SLC9A8: variants seen among roughly 807,000 people sequenced by gnomAD.
The protein encoded by SLC9A8 is solute carrier family 9 member A8.
SLC9A8 carries 48 observed loss-of-function variants against 66.6 expected under a neutral mutation model. That is an observed-to-expected ratio of 0.72 (90% CI 0.57 to 0.92). The LOEUF (loss-of-function observed/expected upper bound fraction) is 0.92, where lower values mean the gene tolerates loss of function less well. Ranked by LOEUF, SLC9A8 falls within the 40% of genes least tolerant of loss-of-function variation. SLC9A8 has a pLI of 0.00. For missense variants in SLC9A8, 599 were observed against 747.3 expected, an observed-to-expected ratio of 0.80 and a Z score of 2.31; for synonymous variants, 274 against 282.6, an observed-to-expected ratio of 0.97 and a Z score of 0.31.
intron 6 of SLC9A8, among the ~76,000 whole-genome samples, chr20:49,850,126 T>C (rs1053253310): frequency 6.6e-6 from 1 of 152,158 alleles, no homozygotes; most frequent in Non-Finnish European, 1.5e-5. Flanking sequence ...AAATCAAAGG[T>C]GATGCTGAAT....
intron 3 of SLC9A8, among the ~76,000 whole-genome samples, chr20:49,834,191 A>C (rs1158841030): frequency 0.024 from 1,219 of 50,556 alleles, 16 homozygotes; most frequent in African/African-American, 0.041. Context: ...CTCTCTATAT[A>C]TATATATATA....
chr20:49,857,686 C>G (rs1286176922), intron 8 of SLC9A8, among the ~76,000 whole-genome samples: 1 of 152,210 alleles, frequency 6.6e-6, no homozygotes, highest in Non-Finnish European at 1.5e-5. Context: ...TCACTGCATT[C>G]CAGCCCGGGC....
chr20:49,867,979 C>T (rs527627997), intron 10 of SLC9A8, among the ~76,000 whole-genome samples: 95 of 152,280 alleles, frequency 6.2e-4, no homozygotes, highest in African/African-American at 2.3e-3. Context: ...TGTTTTTCAT[C>T]GCAGACCAGT....
chr20:49,825,314 T>A (rs893590627), intron 3 of SLC9A8, among the ~76,000 whole-genome samples: 1 of 152,200 alleles, frequency 6.6e-6, no homozygotes, highest in Non-Finnish European at 1.5e-5. Context: ...AACATAGAAC[T>A]CTTTCCATTC....
Position 49,888,954 on chromosome 20 carries a change from C to G in SLC9A8, c.*1018C>G, listed in dbSNP as rs2089982350. 6.6e-6 allele frequency: 1 copy of G among 152,386 alleles called. No homozygotes were observed. Among genetic ancestry groups the G allele is most frequent in the African/African-American group, 2.4e-5 (1 of 41,464 alleles). 9.4% of individuals were successfully genotyped at this position (152,386 alleles called of 1,614,324 possible). A position where few individuals can be genotyped will look rare whatever the true frequency, so the allele number is the denominator to read the frequency against. ...CGTTGGATCCCATTCGTCACCCATG[C>G]TAGGGTCCCCAAAGCACTGGGGCAG... On this transcript the variant is annotated 3_prime_UTR_variant, in exon 16 of 16. Transcript: ENST00000361573.
At chr20:49,837,631 A>T (rs917102150) in intron 3 of SLC9A8, among the ~76,000 whole-genome samples, 4 of 152,016 alleles carry the variant, frequency 2.6e-5, no homozygotes, top group Admixed American at 2.0e-4. Context: ...GTGCAGTGGC[A>T]TGATCTCAGC....
At chr20:49,838,916 G>A (rs1600692288) in intron 3 of SLC9A8, among the ~76,000 whole-genome samples, 1 of 152,128 alleles carries the variant, frequency 6.6e-6, no homozygotes, top group African/African-American at 2.4e-5. Flanking sequence ...GTTTATCTAG[G>A]GAGTAACAGA....
intron 14 of SLC9A8, chr20:49,884,289 G>GCAC (rs1255789032): frequency 1.5e-4 from 6 of 38,770 alleles, no homozygotes; most frequent in East Asian, 6.1e-4. Context: ...ACACACACAC[G>GCAC]ACACACACAC....
intron 7 of SLC9A8, among the ~76,000 whole-genome samples, chr20:49,851,219 G>C (rs144422964): frequency 4.4e-4 from 67 of 152,320 alleles, no homozygotes; most frequent in African/African-American, 1.6e-3. Context: ...GAGATGGAGA[G>C]GGGGAGTGAC....
rs1555848155 is a variant in SLC9A8 at position 49,884,221 on chromosome 20, C to CACACACACACG, written c.1491+165_1491+166insGACACACACAC. The CACACACACACG allele has an allele frequency of 0.019, 5,555 of 288,742 alleles. 378 individuals carry two copies. In the East Asian group the frequency reaches 0.23, roughly 12 times the overall value. The allele number at this position is 288,742 out of a possible 1,614,324, so 17.9% of individuals were successfully genotyped here. ...CACGACACACACACACACACACACA[C>CACACACACACG]ACACACACACACACACACACGACAC... is the stretch of plus-strand genomic sequence containing the variant. On this transcript the variant is annotated intron_variant, in intron 14 of 15. Coordinates refer to ENST00000361573, the MANE Select transcript of SLC9A8 (RefSeq NM_015266.3).
intron 6 of SLC9A8, 68 bp downstream of exon 6, chr20:49,849,748 A>G: frequency 7.8e-7 from 1 of 1,287,844 alleles, no homozygotes; most frequent in East Asian, 2.3e-5. Flanking sequence ...GGAGGTGGGA[A>G]GGTGAAATGG....
In SLC9A8 at chr20:49,812,943, A is replaced by C; in HGVS notation, c.21A>C (p.Glu7Asp). The change falls in exon 1 of 16, where the codon GAA becomes GAC. Residue 7 changes from glutamate (E) to aspartate (D), a missense_variant. Physicochemically the swap from Glu to Asp is conservative, Grantham distance 45. This residue lies in a region of SLC9A8 where 132 missense variants were observed against 120.9 expected (regional missense o/e 1.09). Coordinates refer to ENST00000361573, the MANE Select transcript of SLC9A8 (RefSeq NM_015266.3). Reference sequence around the variant, plus strand: ...GCAGGATGGGGGAGAAGATGGCGGAAGAGGAGTGAGTGGGCTTTTTCCCGG... The same window carrying C: ...GCAGGATGGGGGAGAAGATGGCGGACGAGGAGTGAGTGGGCTTTTTCCCGG... MGEKMAEEERFPNTTHE... is the reference protein window; with the variant it reads MGEKMADEERFPNTTHE... The C allele has an allele frequency of 2.1e-6, 3 of 1,457,590 alleles. No homozygotes were observed. Among genetic ancestry groups the C allele is most frequent in the Non-Finnish European group, 2.7e-6 (3 of 1,106,264 alleles). The allele number at this position is 1,457,590 out of a possible 1,614,324, so 90.3% of individuals were successfully genotyped here.
chr20:49,884,199 GACACACACACACACACACACAC>G (rs370760616), intron 14 of SLC9A8, 133 bp downstream of exon 14: 5 of 288,694 alleles, frequency 1.7e-5, no homozygotes, highest in African/African-American at 6.0e-5. Context: ...CCACACACAC[GACACACACACACACACACACAC>G]ACACACACAC....
At chr20:49,878,173 A>T (rs1373337538) in intron 12 of SLC9A8, 110 bp downstream of exon 12, 11 of 569,716 alleles carry the variant, frequency 1.9e-5, no homozygotes, top group Non-Finnish European at 5.8e-6. Flanking sequence ...CAACAGCTAC[A>T]TAGACACTCT....
At chr20:49,877,125 T>C (rs556298238) in intron 11 of SLC9A8, among the ~76,000 whole-genome samples, 17 of 122,776 alleles carry the variant, frequency 1.4e-4, no homozygotes, top group Admixed American at 8.6e-4. Context: ...CTGTCTCTAC[T>C]GAAAAAAAAA....
chr20:49,884,274 GACAC>G lies in SLC9A8; in HGVS notation c.1491+219_1491+222del, dbSNP rs1202309628. The G allele has an allele frequency of 1.2e-4, 15 of 120,584 alleles. 1 individual carries two copies. The highest frequency in any genetic ancestry group is 6.9e-4 in the East Asian group (4 of 5,800). The allele number at this position is 120,584 out of a possible 1,614,324, so 7.5% of individuals were successfully genotyped here. ...ACACACACACGACACACACACACAC[GACAC>G]ACACACACACGACACACACACACAC... On this transcript the variant is annotated intron_variant, in intron 14 of 15. Coordinates refer to ENST00000361573, the MANE Select transcript of SLC9A8 (RefSeq NM_015266.3).
At chr20:49,823,349 T>C (rs989466474) in intron 3 of SLC9A8, among the ~76,000 whole-genome samples, 2 of 152,164 alleles carry the variant, frequency 1.3e-5, no homozygotes, top group African/African-American at 2.4e-5. Flanking sequence ...CTAAAGGTCA[T>C]GTAGAAGCCC....
intron 10 of SLC9A8, among the ~76,000 whole-genome samples, chr20:49,871,924 G>T (rs2089221403): frequency 6.6e-6 from 1 of 152,174 alleles, no homozygotes; most frequent in Non-Finnish European, 1.5e-5. Flanking sequence ...AGGAAGACTG[G>T]TCCATGTTAG....
In SLC9A8 at chr20:49,884,080, G is replaced by A. The variant is rs370808137; in HGVS notation, c.1491+14G>A. On this transcript the variant is annotated intron_variant, in intron 14 of 15. Coordinates refer to ENST00000361573, the MANE Select transcript of SLC9A8 (RefSeq NM_015266.3). ...ACTGAGAAGATGGTTAGTACCATGC[G>A]CCTGTGGGGGTGGGGCAGGGGGCTG... The A allele has an allele frequency of 9.3e-6, 15 of 1,610,188 alleles. No homozygotes were observed. The highest frequency in any genetic ancestry group is 1.3e-5 in the African/African-American group (1 of 74,742).
Sources: allele counts gnomAD v4.1 joint callset (sites outside exome capture counted in the v4.1 genomes callset), GRCh38; gene constraint gnomAD v4.1.1; regional missense constraint gnomAD v4.1.1; transcripts MANE v1.5; gene names NCBI Gene and HGNC (gene_info 2026-07-23, HGNC 2026-07-21).